RELN: variants seen among roughly 807,000 people sequenced by gnomAD.
The protein encoded by RELN is reelin.
In RELN, 108 loss-of-function variants were observed where a neutral mutation model predicts 427.6. The ratio of observed to expected loss-of-function variants is 0.25; its 90% CI spans 0.22 to 0.30. RELN has a LOEUF of 0.30. Ranked by LOEUF, RELN falls within the 10% of genes least tolerant of loss-of-function variation. The pLI, the probability that RELN is intolerant of heterozygous loss-of-function variation, is 1.00. For synonymous variants in RELN, 1,524 were observed against 1,513.4 expected (o/e 1.01, Z -0.16); for missense variants, 3,715 against 4,302.8 (o/e 0.86, Z 3.82).
chr7:103,478,280 T>G, intron 64 of RELN, 109 bp downstream of exon 64: 1 of 625,512 alleles, frequency 1.6e-6, no homozygotes, highest in African/African-American at 1.8e-5. Flanking sequence ...TCATAGATTT[T>G]TTTTTTTTTT....
At chr7:103,494,392 T>TGTGTGTGTGTGTGTGTGG (rs1491417839) in intron 57 of RELN, among the ~76,000 whole-genome samples, 1 of 150,568 alleles carries the variant, frequency 6.6e-6, no homozygotes, top group African/African-American at 2.5e-5. Context: ...TGTGTGTGTG[T>TGTGTGTGTGTGTGTGTGG]GGGATATGGT....
chr7:103,779,322 T>G lies in RELN; in HGVS notation c.474-2695A>C, dbSNP rs535216438. Among the ~76,000 whole-genome samples the G allele has an allele frequency of 3.3e-5, 5 of 152,332 alleles. 1 individual carries two copies. Among genetic ancestry groups the G allele is most frequent in the African/African-American group, 1.2e-4 (5 of 41,590 alleles). Reference sequence around the variant, plus strand: ...GGCTTGAGAAGCACAGCACACCATGTGCTCAATGACATTATCTGAAGTCCC... The same window carrying G: ...GGCTTGAGAAGCACAGCACACCATGGGCTCAATGACATTATCTGAAGTCCC... On this transcript the variant is annotated intron_variant, in intron 3 of 64. Coordinates refer to ENST00000428762, the MANE Select transcript of RELN (RefSeq NM_005045.4).
intron 43 of RELN, among the ~76,000 whole-genome samples, chr7:103,540,835 T>C (rs1372755542): frequency 2.0e-5 from 3 of 152,054 alleles, no homozygotes; most frequent in African/African-American, 7.3e-5. Context: ...CTCCTTAAAC[T>C]CTGAAACTGA....
At chr7:103,539,873 A>G (rs1447497693) in intron 44 of RELN, among the ~76,000 whole-genome samples, 1 of 152,226 alleles carries the variant, frequency 6.6e-6, no homozygotes, top group African/African-American at 2.4e-5. Context: ...CACCAATGCT[A>G]ATTTGCACAT....
At chr7:103,634,250 T>C (rs1307399506) in intron 19 of RELN, among the ~76,000 whole-genome samples, 4 of 152,178 alleles carry the variant, frequency 2.6e-5, no homozygotes, top group African/African-American at 7.2e-5. Context: ...CTCCTCATGA[T>C]TAAAATATAC....
intron 6 of RELN, among the ~76,000 whole-genome samples, chr7:103,749,101 A>T (rs1050728852): frequency 1.3e-5 from 2 of 152,120 alleles, no homozygotes; most frequent in Non-Finnish European, 2.9e-5. Context: ...TTTCAGATAA[A>T]CCATTTCCCT....
rs571555960 is a variant in RELN at position 103,623,465 on chromosome 7, A to G, written c.2702+6475T>C. ...GTTATTCTATAGGTTGATTCATTTT[A>G]TAAAAGATTGTCAGTAATTTTTTTC... On this transcript the variant is annotated intron_variant, in intron 20 of 64. Coordinates refer to ENST00000428762, the MANE Select transcript of RELN (RefSeq NM_005045.4). 2.6e-5 allele frequency among the ~76,000 whole-genome samples: 4 copies of G among 152,328 alleles called. No individual in the cohort carries two copies. In the East Asian group the frequency reaches 7.7e-4, roughly 29 times the overall value.
intron 20 of RELN, among the ~76,000 whole-genome samples, chr7:103,619,003 A>T (rs1352090150): frequency 6.6e-6 from 1 of 152,110 alleles, no homozygotes; most frequent in Non-Finnish European, 1.5e-5. Flanking sequence ...CTGTAGTCCC[A>T]GCTACTTGGG....
chr7:103,801,688 C>T (rs931951112), intron 3 of RELN, among the ~76,000 whole-genome samples: 1 of 151,702 alleles, frequency 6.6e-6, no homozygotes, highest in Admixed American at 6.6e-5. Flanking sequence ...ATGTAACGAG[C>T]CTGCACGTTG....
At position 103,845,331 on chromosome 7, in the gene RELN, G is replaced by A. The variant is rs112763123; in HGVS notation, c.338-11659C>T. 1.7e-3 allele frequency among the ~76,000 whole-genome samples: 258 copies of A among 152,154 alleles called. 2 individuals carry two copies. Among genetic ancestry groups the A allele is most frequent in the African/African-American group, 5.9e-3 (247 of 41,522 alleles). On this transcript the variant is annotated intron_variant, in intron 2 of 64. Coordinates refer to ENST00000428762, the MANE Select transcript of RELN (RefSeq NM_005045.4). ...TCAGTCACCTGAAATATAGGCATGCGTCACCACGCCTGGCTAATTTTTGTA... is the reference window on the plus strand; with the variant it reads ...TCAGTCACCTGAAATATAGGCATGCATCACCACGCCTGGCTAATTTTTGTA...
intron 3 of RELN, among the ~76,000 whole-genome samples, chr7:103,783,955 C>T (rs192818386): frequency 6.6e-6 from 1 of 151,768 alleles, no homozygotes; most frequent in East Asian, 1.9e-4. Context: ...GTGAAAAACA[C>T]TTGGTAGTTG....
At chr7:103,930,662 T>C (rs1795841812) in intron 1 of RELN, among the ~76,000 whole-genome samples, 1 of 152,060 alleles carries the variant, frequency 6.6e-6, no homozygotes, top group Non-Finnish European at 1.5e-5. Flanking sequence ...AGACAAGGTA[T>C]AGATATGTGG....
intron 49 of RELN, among the ~76,000 whole-genome samples, chr7:103,515,958 G>A (rs1226668194): frequency 6.6e-6 from 1 of 152,108 alleles, no homozygotes; most frequent in Admixed American, 6.5e-5. Context: ...AGTTGTCTGT[G>A]GTGCAGACAC....
intron 2 of RELN, among the ~76,000 whole-genome samples, chr7:103,909,780 AATAT>A (rs1321088657): frequency 3.7e-5 from 3 of 80,794 alleles, no homozygotes; most frequent in Non-Finnish European, 7.1e-5. Flanking sequence ...AATATATATA[AATAT>A]ATATATTAAA....
chr7:103,649,291 T>C (rs893418184), intron 16 of RELN, among the ~76,000 whole-genome samples: 3 of 151,996 alleles, frequency 2.0e-5, no homozygotes, highest in Non-Finnish European at 4.4e-5. Context: ...TGCTACAACA[T>C]AGCTGGAACT....
At chr7:103,534,890 C>T (rs192198772) in intron 46 of RELN, among the ~76,000 whole-genome samples, 2 of 152,240 alleles carry the variant, frequency 1.3e-5, no homozygotes, top group East Asian at 3.9e-4. Context: ...CATTTATTTG[C>T]TACATTCATT....
intron 3 of RELN, among the ~76,000 whole-genome samples, chr7:103,816,972 C>T (rs1264340133): frequency 1.3e-5 from 2 of 152,140 alleles, no homozygotes; most frequent in Admixed American, 6.5e-5. Context: ...CTGCCCCAGC[C>T]TCCCAAGTAG....
intron 16 of RELN, among the ~76,000 whole-genome samples, chr7:103,649,936 T>C (rs1171820392): frequency 6.6e-6 from 1 of 152,026 alleles, no homozygotes; most frequent in African/African-American, 2.4e-5. Context: ...TGCAGTATGA[T>C]CAATATTTAT....
chr7:103,501,484 CT>C (rs1829027010), intron 52 of RELN, among the ~76,000 whole-genome samples: 1 of 152,118 alleles, frequency 6.6e-6, no homozygotes, highest in African/African-American at 2.4e-5. Context: ...TTAATTTCAT[CT>C]TTGTTCTTCT....
Sources: allele counts gnomAD v4.1 joint callset (sites outside exome capture counted in the v4.1 genomes callset), GRCh38; gene constraint gnomAD v4.1.1; transcripts MANE v1.5; gene names NCBI Gene and HGNC (gene_info 2026-07-23, HGNC 2026-07-21).